The following CXCL8 variants were observed in gnomAD, a reference collection of about 807,000 sequenced individuals.
The protein encoded by CXCL8 is interleukin-8.
In CXCL8, 12 loss-of-function variants were observed where a neutral mutation model predicts 10.9. The observed-to-expected ratio is 1.10, with a 90% CI of 0.71 to 1.79. The LOEUF (loss-of-function observed/expected upper bound fraction) is 1.79, where lower values mean the gene tolerates loss of function less well. CXCL8 is among the 40% of genes most tolerant of loss of function. The pLI is 0.00. For synonymous variants in CXCL8, 41 were observed against 39.6 expected (o/e 1.03, Z -0.13); for missense variants, 145 against 113.4 (o/e 1.28, Z -1.26).
In CXCL8 at chr4:73,740,671, C is replaced by A; in HGVS notation, c.13C>A (p.Leu5Met). ...ACTGTGTGTAAACATGACTTCCAAG[C>A]TGGCCGTGGCTCTCTTGGCAGCCTT... Reference protein sequence around the residue: MTSKLAVALLAAFLI... With the variant: MTSKMAVALLAAFLI... The change falls in exon 1 of 4, where the codon CTG becomes ATG. Residue 5 changes from leucine to methionine, a missense_variant. Physicochemically the swap from Leu to Met is conservative, Grantham distance 15. Transcript: ENST00000307407. 6.2e-7 allele frequency: 1 copy of A among 1,613,678 alleles called. No homozygotes were observed. The highest frequency in any genetic ancestry group is 1.7e-5 in the Admixed American group (1 of 59,992).
At position 73,741,677 on chromosome 4, in the gene CXCL8, T is replaced by C. The variant is rs1729179621; in HGVS notation, c.200T>C (p.Ile67Thr). 1.2e-6 allele frequency: 2 copies of C among 1,606,218 alleles called. No homozygotes were observed. The highest frequency in any genetic ancestry group is 1.3e-5 in the African/African-American group (1 of 74,608). The change falls in exon 2 of 4, where the codon ATT (isoleucine) becomes ACT (threonine). Residue 67 changes from isoleucine to threonine, a missense_variant and splice_region_variant. Transcript: ENST00000307407. Reference protein sequence around the residue: ...SGPHCANTEIIVKLSDGRELC... With the variant: ...SGPHCANTEITVKLSDGRELC... ...CCACACTGCGCCAACACAGAAATTA[T>C]GTAAGTACTTTAAAAAAGATTAGAT... is the stretch of plus-strand genomic sequence containing the variant.
chr4:73,743,185 T>C lies in CXCL8; in HGVS notation c.*721T>C, dbSNP rs1042228954. On this transcript the variant is annotated 3_prime_UTR_variant, in exon 4 of 4. Transcript: ENST00000307407. ...ATTTGGAAAAATAGAAGATGAATCA[T>C]TGATTGAATAGTTATAAAGATGTTA... The C allele has an allele frequency of 1.8e-5, 4 of 223,692 alleles. No individual in the cohort carries two copies. Among genetic ancestry groups the C allele is most frequent in the Non-Finnish European group, 3.6e-5 (4 of 112,358 alleles). 13.9% of individuals were successfully genotyped at this position (223,692 alleles called of 1,614,324 possible).
At position 73,741,609 on chromosome 4, in the gene CXCL8, C is replaced by T; in HGVS notation, c.132C>T (p.Phe44=). The T allele has an allele frequency of 6.2e-7, 1 of 1,613,422 alleles. No individual in the cohort carries two copies. The highest frequency in any genetic ancestry group is 8.5e-7 in the Non-Finnish European group (1 of 1,179,462). ...CQCIKTYSKP[F]HPKFIKELRV... ...GCATAAAGACATACTCCAAACCTTT[C>T]CACCCCAAATTTATCAAAGAACTGA... The change falls in exon 2 of 4, where the codon TTC becomes TTT. Residue 44 remains phenylalanine, a synonymous_variant. Coordinates refer to ENST00000307407, the MANE Select transcript of CXCL8 (RefSeq NM_000584.4).
Position 73,742,479 on chromosome 4 carries a change from T to C in CXCL8, c.*15T>C, listed in dbSNP as rs111499831. 13 of 1,443,376 alleles carry C rather than the reference T, an allele frequency of 9.0e-6. No individual in the cohort carries two copies. In the African/African-American group the frequency reaches 1.0e-4, roughly 11 times the overall value. The allele number at this position is 1,443,376 out of a possible 1,614,324, so 89.4% of individuals were successfully genotyped here. A position where few individuals can be genotyped will look rare whatever the true frequency, so the allele number is the denominator to read the frequency against. ...AGAATTCATAAAAAAATTCATTCTC[T>C]GTGGTATCCAAGAATCAGTGAAGAT... On this transcript the variant is annotated 3_prime_UTR_variant, in exon 4 of 4. Coordinates refer to ENST00000307407, the MANE Select transcript of CXCL8 (RefSeq NM_000584.4).
rs1031461210 is a variant in CXCL8, at chr4:73,742,824, T to A, written c.*360T>A. ...AATTTCAGGAATTGAATGGGTTTGC[T>A]AGAATGTGATATTTGAAGCATCACA... On this transcript the variant is annotated 3_prime_UTR_variant, in exon 4 of 4. Coordinates refer to ENST00000307407, the MANE Select transcript of CXCL8 (RefSeq NM_000584.4). The A allele has an allele frequency of 1.3e-5, 3 of 237,948 alleles. No homozygotes were observed. In the Admixed American group the frequency reaches 1.7e-4, roughly 13 times the overall value. The allele number at this position is 237,948 out of a possible 1,614,324, so 14.7% of individuals were successfully genotyped here.
rs866758378 is a variant in CXCL8 at position 73,742,125 on chromosome 4, C to T, written c.284+93C>T. The T allele has an allele frequency of 1.5e-4, 110 of 714,532 alleles. No individual in the cohort carries two copies. The Middle Eastern group carries it at 1.6e-3, about 10-fold the overall frequency. The allele number at this position is 714,532 out of a possible 1,614,324, so 44.3% of individuals were successfully genotyped here. A position where few individuals can be genotyped will look rare whatever the true frequency, so the allele number is the denominator to read the frequency against. On this transcript the variant is annotated intron_variant, in intron 3 of 3. Coordinates refer to ENST00000307407, the MANE Select transcript of CXCL8 (RefSeq NM_000584.4). ...TAAATTTCTTTCTGTTGCTAAAAATCGTCATTAGGTATCTGCCTTTTTGGT... is the reference window on the plus strand; with the variant it reads ...TAAATTTCTTTCTGTTGCTAAAAATTGTCATTAGGTATCTGCCTTTTTGGT...
In CXCL8 at chr4:73,741,981, T is replaced by C; in HGVS notation, c.233T>C (p.Leu78Pro). Residue 78 changes from leucine to proline, a missense_variant, in exon 3 of 4, where the codon CTG (leucine) becomes CCG (proline). Transcript: ENST00000307407. The part of the protein sequence containing the change: ...VKLSDGRELC[L>P]DPKENWVQRV... ...CTTTCTGATGGAAGAGAGCTCTGTC[T>C]GGACCCCAAGGAAAACTGGGTGCAG... The C allele has an allele frequency of 2.5e-6, 4 of 1,611,698 alleles. No individual in the cohort carries two copies. The highest frequency in any genetic ancestry group is 3.4e-6 in the Non-Finnish European group (4 of 1,178,174).
chr4:73,742,538 C>A lies in CXCL8; in HGVS notation c.*74C>A. The A allele has an allele frequency of 2.3e-6, 2 of 877,218 alleles. No homozygotes were observed. The highest frequency in any genetic ancestry group is 3.6e-6 in the Non-Finnish European group (2 of 549,236). The allele number at this position is 877,218 out of a possible 1,614,324, so 54.3% of individuals were successfully genotyped here. On this transcript the variant is annotated 3_prime_UTR_variant, in exon 4 of 4. Transcript: ENST00000307407. ...AACTTCAAGCAAATCTACTTCAACA[C>A]TTCATGTATTGTGTGGGTCTGTTGT...
rs776188727 is a variant in CXCL8, at chr4:73,742,045, T to C, written c.284+13T>C. 2 of 1,467,982 alleles carry C rather than the reference T, an allele frequency of 1.4e-6. No homozygotes were observed. The highest frequency in any genetic ancestry group is 9.3e-7 in the Non-Finnish European group (1 of 1,075,174). 90.9% of individuals were successfully genotyped at this position (1,467,982 alleles called of 1,614,324 possible). A position where few individuals can be genotyped will look rare whatever the true frequency, so the allele number is the denominator to read the frequency against. Reference sequence around the variant, plus strand: ...AGTTTTTGAAGAGGTAAGTTATATATTTTTTAATTTAAATTTTTCATTTAT... The same window carrying C: ...AGTTTTTGAAGAGGTAAGTTATATACTTTTTAATTTAAATTTTTCATTTAT... On this transcript the variant is annotated intron_variant, in intron 3 of 3. Coordinates refer to ENST00000307407, the MANE Select transcript of CXCL8 (RefSeq NM_000584.4).
At chr4:73,742,362 A>G (rs1729204298) in intron 3 of CXCL8, 87 bp from the exon 4 acceptor site, 2 of 655,082 alleles carry the variant, frequency 3.1e-6, no homozygotes, top group Non-Finnish European at 5.3e-6. Flanking sequence ...TAACACATGA[A>G]TGTCAAAGAC....
chr4:73,740,903 A>C (rs1032410795), intron 1 of CXCL8, among the ~76,000 whole-genome samples, 181 bp downstream of exon 1: 7 of 152,244 alleles, frequency 4.6e-5, no homozygotes, highest in African/African-American at 1.4e-4. Flanking sequence ...CACTTAGGAA[A>C]GTATAAAGTT....
In CXCL8 at chr4:73,742,462, TA is replaced by T. The variant is rs201169323; in HGVS notation, c.*5del. ...ATTTTATTTTAGGGCTGAGAATTCATAAAAAAATTCATTCTCTGTGGTATCC... is the reference window on the plus strand; with the variant it reads ...ATTTTATTTTAGGGCTGAGAATTCATAAAAAATTCATTCTCTGTGGTATCC... ...EKFLKRAENS* is the reference protein window; with the variant it reads ...EKFLKRAENSX On this transcript the variant is annotated frameshift_variant and stop_lost, in exon 4 of 4. Transcript: ENST00000307407. LOFTEE classifies it high-confidence loss of function. 1.8e-5 allele frequency: 26 copies of T among 1,453,534 alleles called. No individual in the cohort carries two copies. Among genetic ancestry groups the T allele is most frequent in the Admixed American group, 3.6e-5 (2 of 54,954 alleles). The allele number at this position is 1,453,534 out of a possible 1,614,324, so 90.0% of individuals were successfully genotyped here.
Position 73,741,624 on chromosome 4 carries a change from C to G in CXCL8, c.147C>G (p.Ile49Met). Residue 49 changes from isoleucine to methionine, a missense_variant, in exon 2 of 4, where the codon ATC (isoleucine) becomes ATG (methionine). Coordinates refer to ENST00000307407, the MANE Select transcript of CXCL8 (RefSeq NM_000584.4). ...TYSKPFHPKF[I>M]KELRVIESGP... ...CCAAACCTTTCCACCCCAAATTTAT[C>G]AAAGAACTGAGAGTGATTGAGAGTG... The G allele has an allele frequency of 1.9e-6, 3 of 1,613,428 alleles. No homozygotes were observed. Among genetic ancestry groups the G allele is most frequent in the Non-Finnish European group, 2.5e-6 (3 of 1,179,488 alleles).
intron 2 of CXCL8, 30 bp from the exon 3 acceptor site, chr4:73,741,919 T>A: frequency 6.7e-7 from 1 of 1,496,276 alleles, no homozygotes. Flanking sequence ...AAACTAAATA[T>A]TAATCTGAAC....
chr4:73,742,754 A>C lies in CXCL8; in HGVS notation c.*290A>C. The C allele has an allele frequency of 7.2e-6, 2 of 279,314 alleles. No homozygotes were observed. Among genetic ancestry groups the C allele is most frequent in the Non-Finnish European group, 1.3e-5 (2 of 148,302 alleles). 17.3% of individuals were successfully genotyped at this position (279,314 alleles called of 1,614,324 possible). On this transcript the variant is annotated 3_prime_UTR_variant, in exon 4 of 4. Transcript: ENST00000307407. ...CTAGATATTGCACGGGAGAATATAC[A>C]AATAGCAAAATTGAGGCCAAGGGCC... is the stretch of plus-strand genomic sequence containing the variant.
At chr4:73,740,859 G>T in intron 1 of CXCL8, 137 bp downstream of exon 1, 1 of 688,108 alleles carries the variant, frequency 1.5e-6, no homozygotes, top group Non-Finnish European at 2.4e-6. Flanking sequence ...GTCAATTAAT[G>T]TTAAATTGAA....
rs1729235043 is a variant in CXCL8 at position 73,743,420 on chromosome 4, A to G, written c.*956A>G. ...CTAGTTTGATACTCCCAGTCTTGTC[A>G]TTGCCAGCTGTGTTGGTAGTGCTGT... On this transcript the variant is annotated 3_prime_UTR_variant, in exon 4 of 4. Coordinates refer to ENST00000307407, the MANE Select transcript of CXCL8 (RefSeq NM_000584.4). The G allele has an allele frequency of 4.9e-6, 1 of 204,888 alleles. No individual in the cohort carries two copies. The highest frequency in any genetic ancestry group is 5.9e-5 in the Admixed American group (1 of 16,816). The allele number at this position is 204,888 out of a possible 1,614,324, so 12.7% of individuals were successfully genotyped here.
Position 73,740,677 on chromosome 4 carries a change from G to T in CXCL8, c.19G>T (p.Val7Leu), listed in dbSNP as rs879171628. 2 of 1,613,494 alleles carry T rather than the reference G, an allele frequency of 1.2e-6. No individual in the cohort carries two copies. Among genetic ancestry groups the T allele is most frequent in the African/African-American group, 1.3e-5 (1 of 74,864 alleles). Reference sequence around the variant, plus strand: ...TGTAAACATGACTTCCAAGCTGGCCGTGGCTCTCTTGGCAGCCTTCCTGAT... The same window carrying T: ...TGTAAACATGACTTCCAAGCTGGCCTTGGCTCTCTTGGCAGCCTTCCTGAT... Reference protein sequence around the residue: MTSKLAVALLAAFLISA... With the variant: MTSKLALALLAAFLISA... Residue 7 changes from valine (V) to leucine (L), a missense_variant, in exon 1 of 4, where the codon GTG becomes TTG. Coordinates refer to ENST00000307407, the MANE Select transcript of CXCL8 (RefSeq NM_000584.4).
chr4:73,740,845 A>G, intron 1 of CXCL8, 123 bp downstream of exon 1: 3 of 753,854 alleles, frequency 4.0e-6, no homozygotes, highest in Non-Finnish European at 4.3e-6. Flanking sequence ...ATATAATCTT[A>G]GCAGTCAATT....
Sources: allele counts gnomAD v4.1 joint callset (sites outside exome capture counted in the v4.1 genomes callset), GRCh38; gene constraint gnomAD v4.1.1; transcripts MANE v1.5; gene names NCBI Gene and HGNC (gene_info 2026-07-23, HGNC 2026-07-21).